SLC22A25: variants seen among roughly 807,000 people sequenced by gnomAD.
The protein encoded by SLC22A25 is MGI:2442751, MGI:2385316, MGI:3042283, MGI:3645714, MGI:3605624, MGI:2442750.
In SLC22A25, 44 loss-of-function variants were observed where a neutral mutation model predicts 45.9. The observed-to-expected ratio is 0.96, with a 90% CI of 0.75 to 1.23. The LOEUF (loss-of-function observed/expected upper bound fraction) is 1.23. Among genes scored for constraint, SLC22A25 ranks in the 50% most tolerant of loss-of-function variants. SLC22A25 has a pLI of 0.00. For missense variants in SLC22A25, 800 were observed against 666.4 expected (o/e 1.20, Z -2.21); for synonymous variants, 283 against 238.6 (o/e 1.19, Z -1.72).
At chr11:63,167,068 A>G (rs1489711808) in intron 9 of SLC22A25, 1 of 156,966 alleles carries the variant, frequency 6.4e-6, no homozygotes, top group Non-Finnish European at 1.4e-5. Context: ...CTCACCCAGG[A>G]AGTCCAAAGG....
Position 63,182,317 on chromosome 11 carries a change from A to ATTG in SLC22A25, c.954+1374_954+1376dup, listed in dbSNP as rs917133961. Among the ~76,000 whole-genome samples, 4 of 151,752 alleles carry ATTG rather than the reference A, an allele frequency of 2.6e-5. No individual in the cohort carries two copies. The East Asian group carries it at 5.8e-4, about 22-fold the overall frequency. On this transcript the variant is annotated intron_variant, in intron 8 of 11. Coordinates refer to ENST00000306494, the MANE Select transcript of SLC22A25 (RefSeq NM_199352.6). ...ATTCTACTGTTTTTTGTAACACTTA[A>ATTG]TTGTTGTTGTTGTTGTCGTTGTTTT... is the stretch of plus-strand genomic sequence containing the variant.
At position 63,166,148 on chromosome 11, in the gene SLC22A25, C is replaced by G. The variant is rs553758149; in HGVS notation, c.1181G>C (p.Cys394Ser). 2.5e-5 allele frequency: 41 copies of G among 1,614,042 alleles called. No individual in the cohort carries two copies. The African/African-American group carries it at 5.3e-4, about 21-fold the overall frequency. ...GTGATTCAGTGCCCAAGGTGCAACA[C>G]AATTGGCCAGGAGGGTGACTGCACC... ...LFGAVTLLAN[C>S]VAPWALNHMS... The change falls in exon 10 of 12, where the codon TGT (cysteine) becomes TCT (serine). Residue 394 changes from cysteine (C) to serine (S), a missense_variant. Physicochemically the swap from Cys to Ser is moderately radical, Grantham distance 112. Coordinates refer to ENST00000306494, the MANE Select transcript of SLC22A25 (RefSeq NM_199352.6).
At chr11:63,191,862 A>G (rs1378055545) in intron 7 of SLC22A25, among the ~76,000 whole-genome samples, 3 of 152,222 alleles carry the variant, frequency 2.0e-5, no homozygotes, top group East Asian at 3.8e-4. Flanking sequence ...TGTACCTGAA[A>G]GGGATTGGAA....
rs536267766 is a variant in SLC22A25, at chr11:63,188,403, A to AT, written c.831-4587dup. 2.6e-4 allele frequency among the ~76,000 whole-genome samples: 40 copies of AT among 151,988 alleles called. 1 individual carries two copies. In the East Asian group the frequency reaches 5.8e-3, roughly 22 times the overall value. Reference sequence around the variant, plus strand: ...GATCGGTGGTGATATCCCCTTTGTCATTTTTTATTGCGTCTATTTGATTCT... The same window carrying AT: ...GATCGGTGGTGATATCCCCTTTGTCATTTTTTTATTGCGTCTATTTGATTCT... On this transcript the variant is annotated intron_variant, in intron 7 of 11. Transcript: ENST00000306494.
chr11:63,218,606 T>C (rs1022284244), intron 5 of SLC22A25, among the ~76,000 whole-genome samples: 5 of 152,182 alleles, frequency 3.3e-5, no homozygotes, highest in Non-Finnish European at 7.4e-5. Flanking sequence ...AGAGTCTGTA[T>C]AGTGGCTGGG....
intron 7 of SLC22A25, among the ~76,000 whole-genome samples, chr11:63,205,004 A>G (rs1279409975): frequency 6.6e-6 from 1 of 152,228 alleles, no homozygotes; most frequent in Non-Finnish European, 1.5e-5. Context: ...AGGATTAAGA[A>G]ACTCACTCAA....
At chr11:63,216,276 A>G (rs1213542211) in intron 7 of SLC22A25, among the ~76,000 whole-genome samples, 1 of 152,164 alleles carries the variant, frequency 6.6e-6, no homozygotes, top group Non-Finnish European at 1.5e-5. Context: ...TGTTGGTGGG[A>G]GTGTAAATTC....
intron 7 of SLC22A25, among the ~76,000 whole-genome samples, chr11:63,209,805 C>T (rs778534572): frequency 3.7e-4 from 56 of 152,236 alleles, no homozygotes; most frequent in Admixed American, 1.3e-3. Context: ...ACCAGATTGT[C>T]AACAACTTTT....
intron 7 of SLC22A25, among the ~76,000 whole-genome samples, chr11:63,210,693 A>G (rs900823648): frequency 1.3e-4 from 20 of 152,124 alleles, no homozygotes; most frequent in African/African-American, 4.1e-4. Context: ...GGGCCGATTA[A>G]TGGATTTTTT....
At chr11:63,188,344 T>C (rs1403461100) in intron 7 of SLC22A25, among the ~76,000 whole-genome samples, 6 of 152,246 alleles carry the variant, frequency 3.9e-5, no homozygotes, top group African/African-American at 1.2e-4. Context: ...GAGGTTTTTA[T>C]AATATTGTCT....
At chr11:63,169,949 A>G (rs902842382) in intron 9 of SLC22A25, among the ~76,000 whole-genome samples, 2 of 152,236 alleles carry the variant, frequency 1.3e-5, no homozygotes, top group African/African-American at 4.8e-5. Context: ...AAGAACAGAA[A>G]TCATAACAAA....
chr11:63,234,966 C>T (rs1003262837), intron 3 of SLC22A25, among the ~76,000 whole-genome samples: 2 of 152,104 alleles, frequency 1.3e-5, no homozygotes, highest in South Asian at 4.2e-4. Context: ...AATATTGGCC[C>T]CCCCTCTCTT....
intron 3 of SLC22A25, among the ~76,000 whole-genome samples, chr11:63,232,778 A>G (rs988574130): frequency 6.6e-6 from 1 of 152,128 alleles, no homozygotes; most frequent in South Asian, 2.1e-4. Context: ...GTTTGTCATA[A>G]ATAGCTCTTA....
At chr11:63,178,973 T>A (rs2088219016) in intron 9 of SLC22A25, among the ~76,000 whole-genome samples, 1 of 152,134 alleles carries the variant, frequency 6.6e-6, no homozygotes, top group African/African-American at 2.4e-5. Flanking sequence ...GTAATTTTTT[T>A]TTTTTTGAAA....
chr11:63,169,799 G>C (rs954768801), intron 9 of SLC22A25, among the ~76,000 whole-genome samples: 15 of 152,056 alleles, frequency 9.9e-5, no homozygotes, highest in Non-Finnish European at 1.0e-4. Context: ...ACTCAACTCT[G>C]GACCAAGTGG....
chr11:63,178,476 AT>A (rs35620794), intron 9 of SLC22A25, among the ~76,000 whole-genome samples: 5,681 of 147,658 alleles, frequency 0.038, 331 homozygotes, highest in African/African-American at 0.13. Context: ...CTTCCCCAGC[AT>A]TTTTTTTTTT....
chr11:63,239,250 A>T (rs2090210441), intron 1 of SLC22A25, 115 bp from the exon 2 acceptor site: 1 of 152,222 alleles, frequency 6.6e-6, no homozygotes, highest in East Asian at 1.9e-4. Flanking sequence ...GCCCTGCATC[A>T]CATTTGCAGC....
At chr11:63,181,495 GT>G (rs1457430252) in intron 8 of SLC22A25, among the ~76,000 whole-genome samples, 3 of 149,456 alleles carry the variant, frequency 2.0e-5, no homozygotes, top group Admixed American at 6.8e-5. Context: ...TGCGGTGTTA[GT>G]TTTTTTGTCC....
chr11:63,161,339 G>A lies in SLC22A25; in HGVS notation c.*2485C>T, dbSNP rs1416184027. ...GACTTTTGAGTTAATGCTGAAATGAGTTAAAACTTTGGGGGACTGTTGGGA... is the reference window on the plus strand; with the variant it reads ...GACTTTTGAGTTAATGCTGAAATGAATTAAAACTTTGGGGGACTGTTGGGA... On this transcript the variant is annotated 3_prime_UTR_variant, in exon 12 of 12. Coordinates refer to ENST00000306494, the MANE Select transcript of SLC22A25 (RefSeq NM_199352.6). Among the ~76,000 whole-genome samples the A allele has an allele frequency of 6.6e-6, 1 of 152,186 alleles. No homozygotes were observed. Among genetic ancestry groups the A allele is most frequent in the Non-Finnish European group, 1.5e-5 (1 of 68,036 alleles).
Sources: gnomAD v4.1 joint callset for allele counts (sites outside exome capture counted in the v4.1 genomes callset) on GRCh38, gnomAD v4.1.1 for gene constraint, MANE v1.5 for transcripts, NCBI Gene and HGNC (gene_info 2026-07-23, HGNC 2026-07-21) for gene names.